MKLN1: variants seen among roughly 807,000 people sequenced by gnomAD.
MKLN1 encodes muskelin 1, also known as muskelin.
Under a neutral mutation model 99.0 loss-of-function variants are expected in MKLN1, and 18 were observed. The observed-to-expected ratio is 0.18, with a 90% CI of 0.13 to 0.27. The LOEUF (loss-of-function observed/expected upper bound fraction) is 0.27, where lower values mean the gene tolerates loss of function less well. Among genes scored for constraint, MKLN1 ranks in the 10% least tolerant of loss-of-function variants. The pLI, the probability that MKLN1 is intolerant of heterozygous loss-of-function variation, is 1.00. For synonymous variants in MKLN1, 288 were observed against 293.2 expected (o/e 0.98, Z 0.18); for missense variants, 621 against 875.9 (o/e 0.71, Z 3.67).
intron 3 of MKLN1, among the ~76,000 whole-genome samples, chr7:131,212,431 CT>C (rs1244079436): frequency 6.6e-6 from 1 of 152,218 alleles, no homozygotes; most frequent in Admixed American, 6.5e-5. Context: ...TCACTTTTCC[CT>C]TCTCTAACTT....
chr7:131,315,427 G>A (rs531445689), intron 3 of MKLN1, among the ~76,000 whole-genome samples: 3 of 152,094 alleles, frequency 2.0e-5, no homozygotes, highest in Non-Finnish European at 4.4e-5. Context: ...AGAGTCCTTC[G>A]TGAGCCTACA....
chr7:131,241,396 A>C (rs1797400199), intron 3 of MKLN1, among the ~76,000 whole-genome samples: 1 of 88,394 alleles, frequency 1.1e-5, no homozygotes, highest in Non-Finnish European at 2.6e-5. Context: ...AAAAAGAAAA[A>C]AGAAAAAAAA....
At chr7:131,278,336 C>T in intron 3 of MKLN1, among the ~76,000 whole-genome samples, 1 of 152,108 alleles carries the variant, frequency 6.6e-6, no homozygotes, top group East Asian at 1.9e-4. Flanking sequence ...CTGTGCCTGG[C>T]CACCTTATTT....
At chr7:131,335,530 G>A (rs1033792165) in intron 1 of MKLN1, among the ~76,000 whole-genome samples, 17 of 152,084 alleles carry the variant, frequency 1.1e-4, no homozygotes, top group African/African-American at 3.6e-4. Flanking sequence ...TGAATTGGTT[G>A]TTAATAATAA....
intron 11 of MKLN1, among the ~76,000 whole-genome samples, chr7:131,444,332 G>T (rs929976630): frequency 6.6e-6 from 1 of 151,746 alleles, no homozygotes; most frequent in Non-Finnish European, 1.5e-5. Context: ...GGCCAGGCTG[G>T]TCTTGAACTC....
chr7:131,452,035 T>C (rs1239549489), intron 12 of MKLN1, among the ~76,000 whole-genome samples: 2 of 152,242 alleles, frequency 1.3e-5, no homozygotes, highest in Non-Finnish European at 2.9e-5. Flanking sequence ...TTAGTAGTTA[T>C]GTATTTACTT....
chr7:131,306,021 T>C (rs1009888979), intron 3 of MKLN1, among the ~76,000 whole-genome samples: 3 of 151,262 alleles, frequency 2.0e-5, no homozygotes, highest in African/African-American at 7.4e-5. Context: ...ATTTCCCCTA[T>C]TCTGTTCACA....
intron 12 of MKLN1, among the ~76,000 whole-genome samples, chr7:131,449,953 C>G (rs79274274): frequency 0.014 from 2,196 of 152,246 alleles, 21 homozygotes; most frequent in Non-Finnish European, 0.023. Context: ...GGTTAACCCT[C>G]TAGTTTCGAC....
chr7:131,385,212 A>G (rs1426527975), intron 2 of MKLN1, among the ~76,000 whole-genome samples: 2 of 152,210 alleles, frequency 1.3e-5, no homozygotes, highest in Non-Finnish European at 2.9e-5. Flanking sequence ...CATATGGCGG[A>G]ATACTACATT....
rs1797379064 is a variant in MKLN1 at position 131,489,827 on chromosome 7, T to G, written c.*2099T>G. On this transcript the variant is annotated 3_prime_UTR_variant, in exon 18 of 18. Coordinates refer to ENST00000352689, the MANE Select transcript of MKLN1 (RefSeq NM_013255.5). ...CTACTAGTCTTTTTGGAAAACATGT[T>G]TGTTTTAATTTCATCTTCCCTCACT... is the stretch of plus-strand genomic sequence containing the variant. The G allele has an allele frequency of 6.6e-6, 1 of 152,182 alleles. No individual in the cohort carries two copies. Among genetic ancestry groups the G allele is most frequent in the Non-Finnish European group, 1.5e-5 (1 of 68,022 alleles). The allele number at this position is 152,182 out of a possible 1,614,324, so 9.4% of individuals were successfully genotyped here. A position where few individuals can be genotyped will look rare whatever the true frequency, so the allele number is the denominator to read the frequency against.
intron 2 of MKLN1, among the ~76,000 whole-genome samples, chr7:131,195,676 G>A (rs1796632676): frequency 6.6e-6 from 1 of 151,990 alleles, no homozygotes; most frequent in South Asian, 2.1e-4. Flanking sequence ...GTTTCGGCTG[G>A]GCCCGGTGGC....
intron 2 of MKLN1, among the ~76,000 whole-genome samples, chr7:131,145,087 T>A (rs1795798317): frequency 6.6e-6 from 1 of 152,170 alleles, no homozygotes; most frequent in South Asian, 2.1e-4. Flanking sequence ...CGAACACTTA[T>A]ATCGATGACT....
intron 6 of MKLN1, among the ~76,000 whole-genome samples, chr7:131,409,482 G>A (rs1794807389): frequency 6.6e-6 from 1 of 152,140 alleles, no homozygotes; most frequent in Admixed American, 6.5e-5. Flanking sequence ...AAGTCTCAAA[G>A]GCAAAGAAGA....
intron 3 of MKLN1, among the ~76,000 whole-genome samples, chr7:131,287,167 A>G (rs146903893): frequency 6.6e-6 from 1 of 152,370 alleles, no homozygotes; most frequent in Non-Finnish European, 1.5e-5. Context: ...GTCCAGCTAA[A>G]GTGATCAGGT....
At chr7:131,141,552 A>C (rs1795733914) in intron 1 of MKLN1, among the ~76,000 whole-genome samples, 1 of 152,008 alleles carries the variant, frequency 6.6e-6, no homozygotes, top group Admixed American at 6.6e-5. Flanking sequence ...ATCTCTGACC[A>C]CTCTGAGACT....
Position 131,490,827 on chromosome 7 carries a change from T to C in MKLN1, c.*3099T>C, listed in dbSNP as rs1167424427. 3 of 152,598 alleles carry C rather than the reference T, an allele frequency of 2.0e-5. No homozygotes were observed. The highest frequency in any genetic ancestry group is 4.1e-4 in the South Asian group (2 of 4,828). The allele number at this position is 152,598 out of a possible 1,614,324, so 9.5% of individuals were successfully genotyped here. A position where few individuals can be genotyped will look rare whatever the true frequency, so the allele number is the denominator to read the frequency against. ...TCCAGTTGATCTCTTCACATCTGCC[T>C]TAAAAGTGCTATGTAGAGATACATT... On this transcript the variant is annotated 3_prime_UTR_variant, in exon 18 of 18. Transcript: ENST00000352689.
At chr7:131,196,746 C>G (rs958564888) in intron 2 of MKLN1, among the ~76,000 whole-genome samples, 1 of 152,144 alleles carries the variant, frequency 6.6e-6, no homozygotes, top group African/African-American at 2.4e-5. Flanking sequence ...TTCTAGCTTG[C>G]TCTGTACATT....
At chr7:131,401,379 G>A (rs1042611339) in intron 6 of MKLN1, among the ~76,000 whole-genome samples, 9 of 152,190 alleles carry the variant, frequency 5.9e-5, no homozygotes, top group Non-Finnish European at 1.3e-4. Flanking sequence ...ATAGGCAAAA[G>A]TAATCACCTA....
chr7:131,199,182 A>G (rs1375261482), intron 2 of MKLN1, among the ~76,000 whole-genome samples: 1 of 152,014 alleles, frequency 6.6e-6, no homozygotes, highest in African/African-American at 2.4e-5. Flanking sequence ...TTTTAGATAT[A>G]GCTGAATTGA....
Sources: gnomAD v4.1 joint callset for allele counts (sites outside exome capture counted in the v4.1 genomes callset) on GRCh38, gnomAD v4.1.1 for gene constraint, MANE v1.5 for transcripts, NCBI Gene and HGNC (gene_info 2026-07-23, HGNC 2026-07-21) for gene names.